POLA1: variants seen among roughly 807,000 people sequenced by gnomAD.
The protein encoded by POLA1 is DNA polymerase alpha 1, catalytic subunit.
A neutral mutation model predicts 124.0 loss-of-function variants in POLA1; 15 were observed. That is an observed-to-expected ratio of 0.12 (90% CI 0.08 to 0.19). The LOEUF (loss-of-function observed/expected upper bound fraction) is 0.19, where lower values mean the gene tolerates loss of function less well. Ranked by LOEUF, POLA1 falls within the 10% of genes least tolerant of loss-of-function variation. The probability of loss-of-function intolerance (pLI) is 1.00; values close to 1 mark genes in which losing one functional copy is unlikely to be tolerated. For synonymous variants in POLA1, 408 were observed against 389.4 expected (o/e 1.05, Z -0.56); for missense variants, 886 against 1,103.4 (o/e 0.80, Z 2.79).
At chrX:24,747,887 A>G (rs992896193) in intron 24 of POLA1, among the ~76,000 whole-genome samples, 6 of 110,736 alleles carry the variant, frequency 5.4e-5, no homozygotes, top group African/African-American at 1.6e-4. Context: ...GGCGCCCGCC[A>G]CCGCGCCTGG....
chrX:24,693,986 T>C lies in POLA1; in HGVS notation c.25T>C (p.Cys9Arg), dbSNP rs1927788719. MAPVHGDD[C>R]EIGASALSDS... ...CATGGCACCTGTGCACGGCGACGACTGTGAGATAGGGGCGAGTGGTGAGGG... is the reference window on the plus strand; with the variant it reads ...CATGGCACCTGTGCACGGCGACGACCGTGAGATAGGGGCGAGTGGTGAGGG... Residue 9 changes from cysteine to arginine, a missense_variant, in exon 1 of 37, where the codon TGT becomes CGT. By Grantham distance (180) the Cys-to-Arg change is radical (BLOSUM62 -3). Transcript: ENST00000379068. The C allele has an allele frequency of 8.4e-7, 1 of 1,192,577 alleles. No individual in the cohort carries two copies. Among genetic ancestry groups the C allele is most frequent in the Non-Finnish European group, 1.1e-6 (1 of 885,485 alleles).
chrX:24,925,819 G>A (rs2047682166), intron 35 of POLA1, among the ~76,000 whole-genome samples: 1 of 111,301 alleles, frequency 9.0e-6, no homozygotes, highest in African/African-American at 3.3e-5. Flanking sequence ...TGGCATGAGT[G>A]AGCTCAGCTC....
chrX:24,924,547 C>T (rs951087410), intron 35 of POLA1, among the ~76,000 whole-genome samples: 1 of 111,627 alleles, frequency 9.0e-6, no homozygotes, highest in South Asian at 3.8e-4. Flanking sequence ...CTAGGAGGCT[C>T]AAGGGGTGAT....
intron 10 of POLA1, 54 bp from the exon 11 acceptor site, chrX:24,723,101 A>T: frequency 1.2e-6 from 1 of 846,642 alleles, no homozygotes; most frequent in Non-Finnish European, 1.8e-6. Context: ...TTGTTCCTTT[A>T]ATTAGGTGAA....
At chrX:24,826,813 A>G (rs370101493) in intron 32 of POLA1, among the ~76,000 whole-genome samples, 18 of 111,910 alleles carry the variant, frequency 1.6e-4, no homozygotes, top group African/African-American at 5.2e-4. Context: ...TGCCTGCTTC[A>G]TAGTTGATAC....
chrX:24,875,234 G>A (rs1241929245), intron 34 of POLA1, among the ~76,000 whole-genome samples: 2 of 111,496 alleles, frequency 1.8e-5, no homozygotes, highest in African/African-American at 6.5e-5. Flanking sequence ...AGAAATTCCA[G>A]GTAGATTATA....
chrX:24,942,719 C>T (rs184265030), intron 36 of POLA1, among the ~76,000 whole-genome samples: 1,136 of 111,931 alleles, frequency 0.01, 8 homozygotes, highest in Non-Finnish European at 0.015. Context: ...GAGATAGGGT[C>T]TCGCTCTGTC....
At chrX:24,937,197 AAAG>A (rs2047860281) in intron 36 of POLA1, among the ~76,000 whole-genome samples, 1 of 111,583 alleles carries the variant, frequency 9.0e-6, no homozygotes, top group South Asian at 3.7e-4. Context: ...TGGTAAGAAA[AAAG>A]TGGTTTATAT....
chrX:24,799,620 A>T (rs1388821160), intron 26 of POLA1, among the ~76,000 whole-genome samples: 2 of 111,749 alleles, frequency 1.8e-5, no homozygotes, highest in Non-Finnish European at 3.8e-5. Flanking sequence ...TTAGCCAATT[A>T]TTTGTGCTTT....
At chrX:24,927,053 G>A (rs1248035406) in intron 35 of POLA1, among the ~76,000 whole-genome samples, 1 of 108,478 alleles carries the variant, frequency 9.2e-6, no homozygotes, top group Non-Finnish European at 1.9e-5. Context: ...GGCCAGGCTG[G>A]TCTCGAACTC....
At chrX:24,911,070 G>A (rs991177151) in intron 35 of POLA1, among the ~76,000 whole-genome samples, 4 of 112,118 alleles carry the variant, frequency 3.6e-5, no homozygotes, top group Non-Finnish European at 7.5e-5. Flanking sequence ...ATCAATAAAA[G>A]AGTGATAACA....
intron 34 of POLA1, among the ~76,000 whole-genome samples, chrX:24,885,597 C>CAAT (rs1378537487): frequency 9.0e-6 from 1 of 110,653 alleles, no homozygotes; most frequent in African/African-American, 3.3e-5. Context: ...TGCAGTGGTG[C>CAAT]AATCTTGGCT....
intron 36 of POLA1, among the ~76,000 whole-genome samples, chrX:24,962,268 G>A (rs866637921): frequency 5.4e-5 from 6 of 110,460 alleles, no homozygotes; most frequent in Non-Finnish European, 3.8e-5. Flanking sequence ...GTGAAAAACT[G>A]TAAAAAAAAG....
At chrX:24,972,680 A>C (rs1443602089) in intron 36 of POLA1, among the ~76,000 whole-genome samples, 1 of 111,942 alleles carries the variant, frequency 8.9e-6, no homozygotes, top group African/African-American at 3.3e-5. Flanking sequence ...AGTCTGGGAG[A>C]GGTTTTCCAT....
intron 35 of POLA1, among the ~76,000 whole-genome samples, chrX:24,889,794 C>T (rs1376090632): frequency 8.9e-6 from 1 of 111,814 alleles, no homozygotes; most frequent in Admixed American, 9.5e-5. Flanking sequence ...TTTGTAGGCT[C>T]AAGTAATCCT....
At chrX:24,738,010 G>A (rs45610631) in intron 19 of POLA1, among the ~76,000 whole-genome samples, 2,035 of 97,904 alleles carry the variant, frequency 0.021, 32 homozygotes, top group Middle Eastern at 0.033. Context: ...TCAGGAGATC[G>A]GGACCATCCT....
intron 36 of POLA1, 40 bp downstream of exon 36, chrX:24,930,589 G>A (rs778305910): frequency 5.7e-6 from 5 of 876,390 alleles, no homozygotes; most frequent in African/African-American, 1.9e-5. Flanking sequence ...GTTTAAAGTG[G>A]AAATTTGCAT....
chrX:24,985,211 C>G (rs964621856), intron 36 of POLA1, among the ~76,000 whole-genome samples: 1 of 112,399 alleles, frequency 8.9e-6, no homozygotes, highest in Admixed American at 9.4e-5. Flanking sequence ...TATGAAGAGT[C>G]AGATAGTAGT....
At chrX:24,765,671 C>T (rs888963416) in intron 26 of POLA1, among the ~76,000 whole-genome samples, 2 of 111,695 alleles carry the variant, frequency 1.8e-5, no homozygotes, top group African/African-American at 3.3e-5. Context: ...CGCCATCTCT[C>T]ATTTTTAAAT....
Sources: allele counts gnomAD v4.1 joint callset (sites outside exome capture counted in the v4.1 genomes callset), GRCh38; gene constraint gnomAD v4.1.1; transcripts MANE v1.5; gene names NCBI Gene and HGNC (gene_info 2026-07-23, HGNC 2026-07-21).